Variants in PTPRD observed in about 807,000 individuals in gnomAD.
PTPRD encodes protein tyrosine phosphatase receptor type D.
A neutral mutation model predicts 214.5 loss-of-function variants in PTPRD; 34 were observed. The observed-to-expected ratio is 0.16, with a 90% CI of 0.12 to 0.21. The LOEUF is 0.21. Ranked by LOEUF, PTPRD falls within the 10% of genes least tolerant of loss-of-function variation. PTPRD has a pLI of 1.00. For missense variants in PTPRD, 2,545 were observed against 2,398.7 expected, an observed-to-expected ratio of 1.06 and a Z score of -1.27; for synonymous variants, 1,128 against 845.7, an observed-to-expected ratio of 1.33 and a Z score of -5.79.
At chr9:8,567,662 T>C (rs2089792160) in intron 14 of PTPRD, among the ~76,000 whole-genome samples, 1 of 152,220 alleles carries the variant, frequency 6.6e-6, no homozygotes, top group African/African-American at 2.4e-5. Context: ...GTGTGCTCTT[T>C]GAGCTCAGTA....
intron 12 of PTPRD, among the ~76,000 whole-genome samples, chr9:8,705,025 A>G (rs907327982): frequency 4.6e-5 from 7 of 152,140 alleles, no homozygotes; most frequent in Non-Finnish European, 7.3e-5. Context: ...TAAATTCATC[A>G]TATCCATGTA....
chr9:8,526,183 T>G (rs2074055696), intron 17 of PTPRD, among the ~76,000 whole-genome samples: 1 of 138,560 alleles, frequency 7.2e-6, no homozygotes, highest in East Asian at 2.4e-4. Context: ...CAGACCACCT[T>G]GGCTTTGGTC....
chr9:10,200,627 G>T (rs562269658), intron 3 of PTPRD, among the ~76,000 whole-genome samples: 4 of 152,000 alleles, frequency 2.6e-5, no homozygotes, highest in Non-Finnish European at 5.9e-5. Flanking sequence ...TCTCAAGGAG[G>T]CAAATAAACA....
At chr9:10,206,663 G>C (rs1293842456) in intron 3 of PTPRD, among the ~76,000 whole-genome samples, 1 of 152,178 alleles carries the variant, frequency 6.6e-6, no homozygotes, top group Non-Finnish European at 1.5e-5. Flanking sequence ...GTAAAGCAAA[G>C]ATAATAACCT....
At chr9:9,299,917 C>G (rs1033880548) in intron 9 of PTPRD, among the ~76,000 whole-genome samples, 3 of 150,336 alleles carry the variant, frequency 2.0e-5, no homozygotes, top group African/African-American at 7.3e-5. Flanking sequence ...ATTTTTTACT[C>G]TACGTGACAG....
intron 9 of PTPRD, among the ~76,000 whole-genome samples, chr9:9,279,193 T>C (rs981362905): frequency 4.0e-5 from 6 of 150,724 alleles, no homozygotes; most frequent in African/African-American, 1.5e-4. Flanking sequence ...TATATATGTA[T>C]GTGTATATGA....
chr9:10,299,995 A>T (rs997082013), intron 3 of PTPRD, among the ~76,000 whole-genome samples: 1 of 152,152 alleles, frequency 6.6e-6, no homozygotes, highest in African/African-American at 2.4e-5. Flanking sequence ...CTGAAAGGCC[A>T]ATCTTATATT....
At chr9:10,342,228 G>C (rs1196264571) in intron 2 of PTPRD, among the ~76,000 whole-genome samples, 4 of 151,910 alleles carry the variant, frequency 2.6e-5, no homozygotes, top group Non-Finnish European at 5.9e-5. Context: ...CTTGATACTG[G>C]CCTGTGTCAC....
At chr9:9,655,576 AAACC>A (rs201036124) in intron 7 of PTPRD, among the ~76,000 whole-genome samples, 20,076 of 118,338 alleles carry the variant, frequency 0.17, 1,770 homozygotes, top group African/African-American at 0.35. Context: ...CTCAAAGGGA[AAACC>A]AAACCAAACC....
intron 9 of PTPRD, among the ~76,000 whole-genome samples, chr9:9,337,444 C>T (rs1238344454): frequency 1.3e-5 from 2 of 152,112 alleles, no homozygotes; most frequent in Non-Finnish European, 2.9e-5. Flanking sequence ...TGATTTTATG[C>T]ATGCCAAGAA....
chr9:10,330,595 AC>A (rs1193296378), intron 3 of PTPRD, among the ~76,000 whole-genome samples: 7 of 151,832 alleles, frequency 4.6e-5, no homozygotes, highest in African/African-American at 1.7e-4. Flanking sequence ...CCTTAACTAA[AC>A]TGGAACTACA....
chr9:9,465,557 A>C (rs960684715), intron 8 of PTPRD, among the ~76,000 whole-genome samples: 2 of 152,180 alleles, frequency 1.3e-5, no homozygotes, highest in Non-Finnish European at 2.9e-5. Flanking sequence ...AAATACCCGA[A>C]AGACAAAGAC....
chr9:9,279,984 G>C (rs1413279626), intron 9 of PTPRD, among the ~76,000 whole-genome samples: 3 of 151,208 alleles, frequency 2.0e-5, no homozygotes, highest in African/African-American at 7.3e-5. Context: ...TTAATTGACT[G>C]TTTCTATATT....
Position 10,424,234 on chromosome 9 carries a change from A to ATGAT in PTPRD, c.-599-83221_-599-83218dup, listed in dbSNP as rs569417849. Among the ~76,000 whole-genome samples, 201 of 151,992 alleles carry ATGAT rather than the reference A, an allele frequency of 1.3e-3. 1 individual carries two copies. In the Middle Eastern group the frequency reaches 0.048, roughly 36 times the overall value. On this transcript the variant is annotated intron_variant, in intron 2 of 45. Coordinates refer to ENST00000381196, the MANE Select transcript of PTPRD (RefSeq NM_002839.4). ...TTATGTTATGAATGTATCAGGTAGA[A>ATGAT]TGATTAATAAGCATTGGCCAAAAAA...
chr9:10,568,547 C>G (rs1261070697), intron 2 of PTPRD, among the ~76,000 whole-genome samples: 2 of 152,100 alleles, frequency 1.3e-5, no homozygotes, highest in African/African-American at 4.8e-5. Flanking sequence ...GCCCCACTGA[C>G]TTCCACAATG....
chr9:8,836,679 C>T (rs2097431517), intron 11 of PTPRD, among the ~76,000 whole-genome samples: 1 of 144,178 alleles, frequency 6.9e-6, no homozygotes, highest in Admixed American at 7.4e-5. Context: ...TCACTGCAGC[C>T]TCTGCCTCCC....
chr9:8,594,738 T>C (rs1417150829), intron 14 of PTPRD, among the ~76,000 whole-genome samples: 1 of 152,170 alleles, frequency 6.6e-6, no homozygotes, highest in Admixed American at 6.5e-5. Flanking sequence ...TGATTCTAAG[T>C]TTCCTGGGAC....
chr9:9,886,232 G>C (rs983897092), intron 5 of PTPRD, among the ~76,000 whole-genome samples: 2 of 152,012 alleles, frequency 1.3e-5, no homozygotes, highest in Non-Finnish European at 2.9e-5. Flanking sequence ...CTGCATATCA[G>C]AATTGCTATA....
At chr9:10,180,410 G>A (rs2099275416) in intron 3 of PTPRD, among the ~76,000 whole-genome samples, 1 of 151,708 alleles carries the variant, frequency 6.6e-6, no homozygotes, top group Non-Finnish European at 1.5e-5. Context: ...GTTCAGTTGG[G>A]TTGAGACACA....
Sources: gnomAD v4.1 joint callset for allele counts (sites outside exome capture counted in the v4.1 genomes callset) on GRCh38, gnomAD v4.1.1 for gene constraint, MANE v1.5 for transcripts, NCBI Gene and HGNC (gene_info 2026-07-23, HGNC 2026-07-21) for gene names.